The following EPM2A variants were observed in gnomAD, a reference collection of about 807,000 sequenced individuals.
EPM2A encodes laforin.
Under a neutral mutation model 26.5 loss-of-function variants are expected in EPM2A, and 21 were observed. The ratio of observed to expected loss-of-function variants is 0.79; its 90% CI spans 0.56 to 1.14. The LOEUF (loss-of-function observed/expected upper bound fraction) is 1.14, where lower values mean the gene tolerates loss of function less well. Ranked by LOEUF, EPM2A falls within the 50% of genes most tolerant of loss-of-function variation. EPM2A has a pLI of 0.00. For missense variants in EPM2A, 458 were observed against 440.8 expected (o/e 1.04, Z -0.35); for synonymous variants, 217 against 177.6 (o/e 1.22, Z -1.76).
rs1487897983 is a variant in EPM2A, at chr6:145,605,235, G to A, written c.340+30010C>T. ...TTCCAACAGCAACAACAATTATTCA[G>A]CAATTCAAATTCCAACAACAATTTC... On this transcript the variant is annotated intron_variant, in intron 2 of 3. Transcript: ENST00000450221. 2.6e-5 allele frequency among the ~76,000 whole-genome samples: 4 copies of A among 152,086 alleles called. No homozygotes were observed. The South Asian group carries it at 8.3e-4, about 31-fold the overall frequency.
chr6:145,478,628 T>C (rs1779570069), intron 4 of EPM2A, among the ~76,000 whole-genome samples: 1 of 151,778 alleles, frequency 6.6e-6, no homozygotes, highest in African/African-American at 2.4e-5. Context: ...GGATTCTGTT[T>C]CTCTTCTAAC....
At chr6:145,497,527 G>A (rs1380505812), downstream of EPM2A, among the ~76,000 whole-genome samples, 1 of 47,650 alleles carries the variant, frequency 2.1e-5, no homozygotes, top group Admixed American at 1.8e-4. Context: ...TGGGATCAGG[G>A]ATCCACTTAA....
At chr6:145,404,675 G>C (rs1778543012) in intron 4 of EPM2A, among the ~76,000 whole-genome samples, 1 of 151,996 alleles carries the variant, frequency 6.6e-6, no homozygotes, top group Admixed American at 6.6e-5. Flanking sequence ...GGTAAAATAG[G>C]CTCAACAACA....
chr6:145,569,990 C>T (rs968016137), intron 2 of EPM2A, among the ~76,000 whole-genome samples: 10 of 152,082 alleles, frequency 6.6e-5, no homozygotes, highest in Admixed American at 2.0e-4. Flanking sequence ...GCCCGATGTT[C>T]GAGGGCAGGA....
Position 145,627,663 on chromosome 6 carries a change from C to A in EPM2A, c.749G>T (p.Cys250Phe), listed in dbSNP as rs1361749065. 6.2e-7 allele frequency: 1 copy of A among 1,614,132 alleles called. No homozygotes were observed. The highest frequency in any genetic ancestry group is 8.5e-7 in the Non-Finnish European group (1 of 1,179,974). The change falls in exon 4 of 4, where the codon TGC becomes TTC. Residue 250 changes from cysteine to phenylalanine, a missense_variant. By Grantham distance (205) the Cys-to-Phe change is radical. Transcript: ENST00000367519. ...GRVQMLPQAV[C>F]LLHALLEKGH... ...CTTCTCCAGCAGCGCATGCAGCAGG[C>A]ACACCGCCTGGGGCAGCATCTGTAC...
intron 1 of EPM2A, among the ~76,000 whole-genome samples, chr6:145,706,716 T>C (rs1782243494): frequency 6.6e-6 from 1 of 152,226 alleles, no homozygotes; most frequent in South Asian, 2.1e-4. Flanking sequence ...TAGTGTTGTG[T>C]ATTAATAAGA....
chr6:145,490,188 T>C (rs1779737036), intron 4 of EPM2A: 1 of 1,037,880 alleles, frequency 9.6e-7, no homozygotes, highest in Non-Finnish European at 1.4e-6. Context: ...CGCTCTGAAA[T>C]AGTGTCACTG....
chr6:145,699,452 G>C (rs1296535288), intron 1 of EPM2A, among the ~76,000 whole-genome samples: 1 of 152,118 alleles, frequency 6.6e-6, no homozygotes, highest in Non-Finnish European at 1.5e-5. Context: ...TATGAATGTA[G>C]AAAACTAAAA....
chr6:145,724,643 C>A (rs935334310), intron 1 of EPM2A, among the ~76,000 whole-genome samples: 1 of 152,014 alleles, frequency 6.6e-6, no homozygotes, highest in Non-Finnish European at 1.5e-5. Context: ...GAGTGTGATA[C>A]TGGTTTCAAA....
intron 1 of EPM2A, among the ~76,000 whole-genome samples, chr6:145,702,615 C>T (rs1365549561): frequency 6.6e-6 from 1 of 152,190 alleles, no homozygotes; most frequent in African/African-American, 2.4e-5. Context: ...TTAACTATTA[C>T]CTTACACCTC....
chr6:145,423,979 G>A (rs1398345185), intron 4 of EPM2A, among the ~76,000 whole-genome samples: 1 of 152,202 alleles, frequency 6.6e-6, no homozygotes, highest in East Asian at 1.9e-4. Context: ...TCTGATATGA[G>A]ATGAAGCCAA....
At chr6:145,660,842 G>A (rs1479521832) in intron 2 of EPM2A, among the ~76,000 whole-genome samples, 1 of 152,206 alleles carries the variant, frequency 6.6e-6, no homozygotes, top group African/African-American at 2.4e-5. Flanking sequence ...ATTGCTGAAT[G>A]AAAAGAATGA....
intron 4 of EPM2A, among the ~76,000 whole-genome samples, chr6:145,389,361 T>G (rs1315368865): frequency 6.6e-6 from 1 of 152,070 alleles, no homozygotes; most frequent in African/African-American, 2.4e-5. Context: ...GGCTAATTTT[T>G]TTATATTTTT....
At chr6:145,445,258 C>T (rs932971199) in intron 4 of EPM2A, among the ~76,000 whole-genome samples, 1 of 152,112 alleles carries the variant, frequency 6.6e-6, no homozygotes, top group Non-Finnish European at 1.5e-5. Flanking sequence ...TTTATCACCT[C>T]AGACAGCAGC....
At chr6:145,389,865 A>G (rs1027122130) in intron 4 of EPM2A, among the ~76,000 whole-genome samples, 10 of 152,194 alleles carry the variant, frequency 6.6e-5, no homozygotes, top group Non-Finnish European at 1.5e-4. Flanking sequence ...TTCTTTATCA[A>G]CTGGGCACTG....
intron 3 of EPM2A, chr6:145,630,016 C>T (rs1007041289): frequency 6.6e-6 from 1 of 152,238 alleles, no homozygotes; most frequent in African/African-American, 2.4e-5. Flanking sequence ...GATGGGTCTG[C>T]ACCAAATAGC....
At chr6:145,683,632 T>C (rs1247483488) in intron 2 of EPM2A, among the ~76,000 whole-genome samples, 1 of 152,156 alleles carries the variant, frequency 6.6e-6, no homozygotes, top group East Asian at 1.9e-4. Flanking sequence ...AGAAATACTC[T>C]ATTTAAAAAT....
intron 1 of EPM2A, among the ~76,000 whole-genome samples, chr6:145,709,044 T>C (rs1782388307): frequency 6.6e-6 from 1 of 152,208 alleles, no homozygotes; most frequent in Non-Finnish European, 1.5e-5. Context: ...ATTTCTCCCA[T>C]TTTGGACTGG....
At chr6:145,386,640 T>C (rs1421907543) in intron 4 of EPM2A, among the ~76,000 whole-genome samples, 1 of 152,214 alleles carries the variant, frequency 6.6e-6, no homozygotes, top group Non-Finnish European at 1.5e-5. Flanking sequence ...ACACAGCCAC[T>C]TGTTTGTGCT....
Sources: allele counts gnomAD v4.1 joint callset (sites outside exome capture counted in the v4.1 genomes callset), GRCh38; gene constraint gnomAD v4.1.1; transcripts MANE v1.5; gene names NCBI Gene and HGNC (gene_info 2026-07-23, HGNC 2026-07-21).